Variants in FPR3 observed in about 807,000 individuals in gnomAD.
FPR3 encodes N-formyl peptide receptor 3.
For synonymous variants in FPR3, 135 were observed against 163.6 expected (o/e 0.83, Z 1.34); for missense variants, 346 against 443.2 (o/e 0.78, Z 1.97).
rs767725403 is a variant in FPR3 at position 51,824,550 on chromosome 19, C to T, written c.802C>T (p.Leu268Phe). 9.9e-6 allele frequency: 16 copies of T among 1,614,024 alleles called. No homozygotes were observed. Among genetic ancestry groups the T allele is most frequent in the Non-Finnish European group, 1.4e-5 (16 of 1,180,008 alleles). ...AATTGGCATTCTAATGGCAGTCTGGCTCAAAGAGATGTTGTTAAATGGCAA... is the reference window on the plus strand; with the variant it reads ...AATTGGCATTCTAATGGCAGTCTGGTTCAAAGAGATGTTGTTAAATGGCAA... ...ELIGILMAVW[L>F]KEMLLNGKYK... The change falls in exon 2 of 2, where the codon CTC becomes TTC. Residue 268 changes from leucine to phenylalanine, a missense_variant. By Grantham distance (22) the Leu-to-Phe change is conservative (BLOSUM62 0). Coordinates refer to ENST00000339223, the MANE Select transcript of FPR3 (RefSeq NM_002030.5). This position sits in a 1 kb window ranked among gnomAD's most constrained non-coding sequence, Gnocchi z 4.7.
chr19:51,796,058 CAAAT>C (rs1350128545), intron 1 of FPR3, among the ~76,000 whole-genome samples: 2 of 152,098 alleles, frequency 1.3e-5, no homozygotes, highest in Non-Finnish European at 2.9e-5. Flanking sequence ...AATGAACAAA[CAAAT>C]AAAGGAGAAA....
At chr19:51,811,657 G>A (rs1041789981) in intron 1 of FPR3, 3 of 152,210 alleles carry the variant, frequency 2.0e-5, no homozygotes, top group African/African-American at 7.2e-5. Context: ...TATGTAACGT[G>A]CCATGATCCC....
chr19:51,803,579 T>C (rs1276455690), intron 1 of FPR3, among the ~76,000 whole-genome samples: 1 of 144,348 alleles, frequency 6.9e-6, no homozygotes, highest in Non-Finnish European at 1.5e-5. Flanking sequence ...TTGACTCCTA[T>C]AAATGCTTTC....
chr19:51,808,656 G>T (rs558459136), intron 1 of FPR3, among the ~76,000 whole-genome samples: 2 of 152,294 alleles, frequency 1.3e-5, no homozygotes, highest in East Asian at 3.9e-4. Flanking sequence ...TAAGGGTGTA[G>T]TAAAGAAACA....
chr19:51,823,915 C>T lies in FPR3; in HGVS notation c.167C>T (p.Thr56Ile). 2 of 1,614,094 alleles carry T rather than the reference C, an allele frequency of 1.2e-6. No homozygotes were observed. The highest frequency in any genetic ancestry group is 1.7e-6 in the Non-Finnish European group (2 of 1,179,994). ...ATCTGGGTGGCTGGATTCCGGATGA[C>T]ACGCACAGTCAACACCATCTGTTAC... ...LVIWVAGFRM[T>I]RTVNTICYLN... Residue 56 changes from threonine (T) to isoleucine (I), a missense_variant, in exon 2 of 2, where the codon ACA (threonine) becomes ATA (isoleucine). Physicochemically the swap from Thr to Ile is moderately conservative, Grantham distance 89. Coordinates refer to ENST00000339223, the MANE Select transcript of FPR3 (RefSeq NM_002030.5).
At chr19:51,797,485 G>C (rs919702775) in intron 1 of FPR3, among the ~76,000 whole-genome samples, 1 of 152,152 alleles carries the variant, frequency 6.6e-6, no homozygotes, top group South Asian at 2.1e-4. Flanking sequence ...AATTTTTTTG[G>C]TATAAAAAAT....
At chr19:51,821,398 G>C (rs916687859) in intron 1 of FPR3, among the ~76,000 whole-genome samples, 1 of 152,134 alleles carries the variant, frequency 6.6e-6, no homozygotes, top group African/African-American at 2.4e-5. Flanking sequence ...ACTCCTGAAG[G>C]GGGAGTTGCT....
intron 1 of FPR3, among the ~76,000 whole-genome samples, chr19:51,821,511 G>A (rs1445957443): frequency 6.6e-6 from 1 of 152,174 alleles, no homozygotes; most frequent in Non-Finnish European, 1.5e-5. Flanking sequence ...TGTCTGTAGT[G>A]CCAACGTTGA....
At chr19:51,817,584 C>T (rs1432899432) in intron 1 of FPR3, 1 of 151,772 alleles carries the variant, frequency 6.6e-6, no homozygotes, top group Non-Finnish European at 1.5e-5. Flanking sequence ...AATGACCATT[C>T]AGCTTTTTTT....
chr19:51,823,201 G>A (rs1258430058), intron 1 of FPR3, among the ~76,000 whole-genome samples: 2 of 152,182 alleles, frequency 1.3e-5, no homozygotes, highest in Non-Finnish European at 2.9e-5. Flanking sequence ...ACAAGTAATG[G>A]TTCAAAATCC....
intron 1 of FPR3, among the ~76,000 whole-genome samples, chr19:51,795,663 G>T (rs1263507746): frequency 6.6e-6 from 1 of 151,500 alleles, no homozygotes; most frequent in Non-Finnish European, 1.5e-5. Flanking sequence ...ACAGGCACCT[G>T]CCACCACGCC....
At chr19:51,812,661 G>A (rs564881480) in intron 1 of FPR3, among the ~76,000 whole-genome samples, 1 of 152,224 alleles carries the variant, frequency 6.6e-6, no homozygotes, top group East Asian at 1.9e-4. Context: ...TTGCAGACAG[G>A]AGCTTAATGA....
chr19:51,809,757 C>G (rs2084084237), intron 1 of FPR3, among the ~76,000 whole-genome samples: 1 of 152,154 alleles, frequency 6.6e-6, no homozygotes, highest in East Asian at 1.9e-4. Flanking sequence ...ATGGGTTTGT[C>G]TGCCCCAACT....
At chr19:51,823,658 G>C in intron 1 of FPR3, 81 bp from the exon 2 acceptor site, 1 of 1,072,210 alleles carries the variant, frequency 9.3e-7, no homozygotes, top group Non-Finnish European at 1.3e-6. Flanking sequence ...GTAGGAGGAG[G>C]AGCTACAGTG....
chr19:51,803,437 A>G (rs1023512220), intron 1 of FPR3, among the ~76,000 whole-genome samples: 1 of 152,098 alleles, frequency 6.6e-6, no homozygotes, highest in Non-Finnish European at 1.5e-5. Flanking sequence ...AAAAGACACC[A>G]CTCAACATGA....
At chr19:51,805,569 C>T (rs764114960) in intron 1 of FPR3, among the ~76,000 whole-genome samples, 2 of 152,182 alleles carry the variant, frequency 1.3e-5, no homozygotes, top group African/African-American at 2.4e-5. Context: ...AAAATGACAG[C>T]GCAATTGCCG....
At position 51,826,090 on chromosome 19, in the gene FPR3, CAT is replaced by C. The variant is rs1286426154; in HGVS notation, c.*1283_*1284del. ...CAGTTTCTGTAAATATTAACGTGAT[CAT>C]ATTATTTTTATTCTTTCATTTACAT... On this transcript the variant is annotated 3_prime_UTR_variant, in exon 2 of 2. Transcript: ENST00000339223. 1 of 157,050 alleles carries C rather than the reference CAT, an allele frequency of 6.4e-6. No homozygotes were observed. Among genetic ancestry groups the C allele is most frequent in the Non-Finnish European group, 1.5e-5 (1 of 68,022 alleles). The allele number at this position is 157,050 out of a possible 1,614,324, so 9.7% of individuals were successfully genotyped here. A position where few individuals can be genotyped will look rare whatever the true frequency, so the allele number is the denominator to read the frequency against.
At chr19:51,818,261 A>G (rs1036744051) in intron 1 of FPR3, among the ~76,000 whole-genome samples, 5 of 152,204 alleles carry the variant, frequency 3.3e-5, no homozygotes, top group Admixed American at 1.3e-4. Flanking sequence ...AAATGTTCCA[A>G]TGATACCCTT....
intron 1 of FPR3, among the ~76,000 whole-genome samples, chr19:51,804,440 G>T (rs1163703270): frequency 2.0e-5 from 3 of 151,952 alleles, no homozygotes; most frequent in African/African-American, 7.3e-5. Flanking sequence ...AGGACAAATA[G>T]GTGAATTATG....
Sources: gnomAD v4.1 joint callset for allele counts (sites outside exome capture counted in the v4.1 genomes callset) on GRCh38, gnomAD v4.1.1 for gene constraint, Gnocchi (gnomAD v3.1) non-coding constraint, MANE v1.5 for transcripts, NCBI Gene and HGNC (gene_info 2026-07-23, HGNC 2026-07-21) for gene names.